The following SPRY3 variants were observed in gnomAD, a reference collection of about 807,000 sequenced individuals.
SPRY3 encodes the protein protein sprouty homolog 3.
Under a neutral mutation model 20.2 loss-of-function variants are expected in SPRY3, and 15 were observed. That is an observed-to-expected ratio of 0.74 (90% CI 0.50 to 1.14). SPRY3 has a LOEUF of 1.14. Ranked by LOEUF, SPRY3 falls within the 50% of genes most tolerant of loss-of-function variation. The probability of loss-of-function intolerance (pLI) is 0.00; values close to 1 mark genes in which losing one functional copy is unlikely to be tolerated. For missense variants in SPRY3, 364 were observed against 363.9 expected (o/e 1.00, Z 0.00); for synonymous variants, 143 against 136.5 (o/e 1.05, Z -0.33).
At chrX:155,729,294 A>G (rs1377329319) in intron 2 of SPRY3, among the ~76,000 whole-genome samples, 2 of 152,204 alleles carry the variant, frequency 1.3e-5, no homozygotes, top group Non-Finnish European at 2.9e-5. Context: ...ATTCTCTAAG[A>G]TAGATTATAT....
chrX:155,671,740 G>A (rs1685328684), intron 2 of SPRY3, among the ~76,000 whole-genome samples: 1 of 111,227 alleles, frequency 9.0e-6, no homozygotes, highest in Non-Finnish European at 1.9e-5. Context: ...GTCCTGAATG[G>A]TAATGCCTAG....
At chrX:155,708,445 T>C (rs1382752340) in intron 2 of SPRY3, among the ~76,000 whole-genome samples, 1 of 151,408 alleles carries the variant, frequency 6.6e-6, no homozygotes, top group Admixed American at 6.6e-5. Context: ...ATTATTTTCT[T>C]TGCCTTTGTT....
chrX:155,657,837 G>A (rs2067996959), intron 2 of SPRY3, among the ~76,000 whole-genome samples: 1 of 112,342 alleles, frequency 8.9e-6, no homozygotes, highest in South Asian at 3.7e-4. Context: ...GTCCCTCATG[G>A]CTTCCCTTGG....
At chrX:155,630,636 T>C (rs782390452) in intron 1 of SPRY3, among the ~76,000 whole-genome samples, 18 of 111,514 alleles carry the variant, frequency 1.6e-4, no homozygotes, top group African/African-American at 5.9e-4. Context: ...TTGCTTTATT[T>C]TTCTTGCTGC....
downstream of SPRY3, chrX:155,778,640 G>A (rs1237243597): frequency 6.0e-6 from 1 of 167,048 alleles, no homozygotes; most frequent in Non-Finnish European, 1.5e-5. Flanking sequence ...TGATTCAAAT[G>A]TAAGCAAACC....
intron 1 of SPRY3, among the ~76,000 whole-genome samples, chrX:155,627,490 C>T (rs2124525314): frequency 9.0e-6 from 1 of 111,585 alleles, no homozygotes; most frequent in South Asian, 3.8e-4. Flanking sequence ...TAAATCCATG[C>T]ACTCATTGAT....
At chrX:155,661,733 A>T (rs1464514000) in intron 2 of SPRY3, among the ~76,000 whole-genome samples, 2 of 111,322 alleles carry the variant, frequency 1.8e-5, no homozygotes, top group African/African-American at 6.5e-5. Flanking sequence ...TCATTTTTTT[A>T]AAACTTTTTT....
intron 1 of SPRY3, among the ~76,000 whole-genome samples, chrX:155,653,837 T>A (rs2067984321): frequency 1.8e-5 from 2 of 111,918 alleles, no homozygotes; most frequent in Admixed American, 9.5e-5. Flanking sequence ...TTTTTCCTAC[T>A]CTCATGCTTA....
At chrX:155,714,322 G>A (rs1196575651) in intron 2 of SPRY3, among the ~76,000 whole-genome samples, 7 of 152,100 alleles carry the variant, frequency 4.6e-5, no homozygotes, top group Admixed American at 3.9e-4. Context: ...TTCAAAATAC[G>A]GGCTTGTTTC....
chrX:155,644,466 C>T (rs1409160514), intron 1 of SPRY3, among the ~76,000 whole-genome samples: 1 of 110,862 alleles, frequency 9.0e-6, no homozygotes, highest in East Asian at 2.9e-4. Flanking sequence ...TCCCGAGGTA[C>T]CATCCAGGAG....
At chrX:155,754,996 G>T (rs1014277047) in intron 2 of SPRY3, among the ~76,000 whole-genome samples, 1 of 151,444 alleles carries the variant, frequency 6.6e-6, no homozygotes, top group Non-Finnish European at 1.5e-5. Flanking sequence ...TAGGGAATTT[G>T]CTATGGAAGT....
chrX:155,763,115 C>A (rs1207614251), intron 2 of SPRY3, among the ~76,000 whole-genome samples: 7 of 150,734 alleles, frequency 4.6e-5, no homozygotes, highest in African/African-American at 1.7e-4. Flanking sequence ...ACAGGAACAA[C>A]AAAAAAAAAC....
chrX:155,660,296 G>C (rs1255914902), intron 2 of SPRY3, among the ~76,000 whole-genome samples: 4 of 111,925 alleles, frequency 3.6e-5, no homozygotes, highest in Non-Finnish European at 7.5e-5. Context: ...TTATTCAGGA[G>C]CAGATTGTTT....
At chrX:155,774,796 A>G in exon 4 of SPRY3, 1 of 1,537,102 alleles carries the variant, frequency 6.5e-7, no homozygotes, top group Non-Finnish European at 8.8e-7. Context: ...AGCAAAGCAT[A>G]GGCCTCATCT....
chrX:155,760,039 C>T (rs2091298125), intron 2 of SPRY3, among the ~76,000 whole-genome samples: 1 of 152,144 alleles, frequency 6.6e-6, no homozygotes, highest in Non-Finnish European at 1.5e-5. Context: ...TTATGTTCTA[C>T]ATCTATTGTA....
chrX:155,686,496 C>T (rs948007796), intron 2 of SPRY3, among the ~76,000 whole-genome samples: 2 of 111,831 alleles, frequency 1.8e-5, no homozygotes, highest in Non-Finnish European at 3.8e-5. Context: ...TGAAGATCTA[C>T]TTGTTAGCTC....
At chrX:155,688,217 G>C (rs777889761) in intron 2 of SPRY3, among the ~76,000 whole-genome samples, 1 of 110,410 alleles carries the variant, frequency 9.1e-6, no homozygotes, top group Non-Finnish European at 1.9e-5. Context: ...ACATGATCTC[G>C]TTCCTTTTTA....
intron 1 of SPRY3, among the ~76,000 whole-genome samples, chrX:155,652,872 A>C (rs1283487555): frequency 8.9e-6 from 1 of 111,735 alleles, no homozygotes; most frequent in Non-Finnish European, 1.9e-5. Flanking sequence ...ATTCTCACCA[A>C]CATTTGTTAT....
intron 2 of SPRY3, among the ~76,000 whole-genome samples, chrX:155,665,405 T>C (rs1468973963): frequency 9.0e-6 from 1 of 111,207 alleles, no homozygotes; most frequent in African/African-American, 3.3e-5. Flanking sequence ...TGAAGGATGT[T>C]CATTGCAAAC....
Sources: allele counts gnomAD v4.1 joint callset (sites outside exome capture counted in the v4.1 genomes callset), GRCh38; gene constraint gnomAD v4.1.1; transcripts MANE v1.5; gene names NCBI Gene and HGNC (gene_info 2026-07-23, HGNC 2026-07-21).